The following ANKRD36 variants were observed in gnomAD, a reference collection of about 807,000 sequenced individuals.
The protein encoded by ANKRD36 is ankyrin repeat domain-containing protein 36A.
A neutral mutation model predicts 278.1 loss-of-function variants in ANKRD36; 179 were observed. The ratio of observed to expected loss-of-function variants is 0.64; its 90% confidence interval spans 0.57 to 0.73. The LOEUF (loss-of-function observed/expected upper bound fraction) is 0.73, where lower values mean the gene tolerates loss of function less well. ANKRD36 is among the 30% of genes least tolerant of loss of function. ANKRD36 has a pLI of 0.00. For missense variants in ANKRD36, 1,159 were observed against 1,956.7 expected, an observed-to-expected ratio of 0.59 and a Z score of 7.69; for synonymous variants, 320 against 641.1, an observed-to-expected ratio of 0.50 and a Z score of 7.57.
At chr2:97,138,470 A>G (rs138711478) in intron 6 of ANKRD36, among the ~76,000 whole-genome samples, 176 of 145,674 alleles carry the variant, frequency 1.2e-3, no homozygotes, top group African/African-American at 1.4e-3. Flanking sequence ...CCATGCTCAT[A>G]GTTAGGAAGA....
chr2:97,218,113 AAT>A (rs1418809377), intron 64 of ANKRD36, among the ~76,000 whole-genome samples: 2 of 151,302 alleles, frequency 1.3e-5, no homozygotes, highest in Non-Finnish European at 2.9e-5. Context: ...GTTTAATATG[AAT>A]ATTTAGTTTT....
intron 6 of ANKRD36, among the ~76,000 whole-genome samples, chr2:97,137,952 T>C (rs546634349): frequency 1.3e-5 from 2 of 152,094 alleles, no homozygotes; most frequent in African/African-American, 4.8e-5. Context: ...TTTGATGAGA[T>C]CGTTTGTTTT....
At chr2:97,171,402 G>A (rs917447301) in intron 22 of ANKRD36, among the ~76,000 whole-genome samples, 4 of 147,004 alleles carry the variant, frequency 2.7e-5, no homozygotes, top group African/African-American at 1.0e-4. Flanking sequence ...TCCTTTGAAG[G>A]GACATGGATG....
At chr2:97,207,625 G>A (rs938721452) in intron 52 of ANKRD36, among the ~76,000 whole-genome samples, 186 bp from the exon 53 acceptor site, 9 of 151,476 alleles carry the variant, frequency 5.9e-5, no homozygotes, top group East Asian at 5.8e-4. Context: ...TATATTTCAT[G>A]GAGCCTGTAT....
At chr2:97,212,399 T>C (rs2064907429) in intron 58 of ANKRD36, among the ~76,000 whole-genome samples, 1 of 151,866 alleles carries the variant, frequency 6.6e-6, no homozygotes, top group Admixed American at 6.6e-5. Context: ...TTACTCCTCT[T>C]TAGGAGTAAT....
chr2:97,135,887 A>C (rs1463452886), intron 6 of ANKRD36, among the ~76,000 whole-genome samples: 1 of 151,964 alleles, frequency 6.6e-6, no homozygotes, highest in Non-Finnish European at 1.5e-5. Flanking sequence ...ATCTGCAGTC[A>C]GTAAAACCAC....
intron 75 of ANKRD36, among the ~76,000 whole-genome samples, chr2:97,260,481 GAT>G (rs1423024255): frequency 3.7e-5 from 5 of 135,248 alleles, no homozygotes; most frequent in African/African-American, 8.0e-5. Context: ...GTGTGCTTAA[GAT>G]ATTTGGTAAA....
At chr2:97,260,935 C>T (rs2076684532) in intron 75 of ANKRD36, among the ~76,000 whole-genome samples, 1 of 126,916 alleles carries the variant, frequency 7.9e-6, no homozygotes, top group Non-Finnish European at 1.5e-5. Context: ...TTGTCTTCTG[C>T]AGCCTCCTCA....
chr2:97,191,744 T>G (rs1365613492), intron 36 of ANKRD36, among the ~76,000 whole-genome samples: 1 of 151,696 alleles, frequency 6.6e-6, no homozygotes, highest in Non-Finnish European at 1.5e-5. Context: ...TGGAATATTT[T>G]CATAAAACAT....
At chr2:97,130,041 G>A (rs560693485) in intron 6 of ANKRD36, among the ~76,000 whole-genome samples, 19 of 152,010 alleles carry the variant, frequency 1.2e-4, no homozygotes, top group African/African-American at 4.6e-4. Context: ...GATGGCATTG[G>A]ATCTATAAAT....
At chr2:97,114,022 G>C in intron 1 of ANKRD36, 86 bp downstream of exon 1, 1 of 1,266,378 alleles carries the variant, frequency 7.9e-7, no homozygotes, top group Non-Finnish European at 1.0e-6. Context: ...CTGCGGGGCG[G>C]ATGGTCCGGG....
chr2:97,118,333 A>G lies in ANKRD36; in HGVS notation c.313-11A>G, dbSNP rs186114220. On this transcript the variant is annotated splice_polypyrimidine_tract_variant and intron_variant, in intron 2 of 75. Transcript: ENST00000420699. ...TCAGTATTTGCATGTTTCTCGGTCT[A>G]ATACTGACAGGCTGTACAACTGAGG... 11 of 1,611,182 alleles carry G rather than the reference A, an allele frequency of 6.8e-6. No individual in the cohort carries two copies. The African/African-American group carries it at 1.3e-4, about 20-fold the overall frequency.
At chr2:97,195,601 A>G (rs1486236936) in intron 40 of ANKRD36, among the ~76,000 whole-genome samples, 1 of 152,000 alleles carries the variant, frequency 6.6e-6, no homozygotes, top group Non-Finnish European at 1.5e-5. Flanking sequence ...TCAGAGATAC[A>G]TATTTTGTTG....
At chr2:97,117,500 C>T (rs1353638431) in intron 1 of ANKRD36, among the ~76,000 whole-genome samples, 1 of 151,760 alleles carries the variant, frequency 6.6e-6, no homozygotes, top group Admixed American at 6.6e-5. Context: ...AAACAGTATT[C>T]CAATGTCAGG....
intron 28 of ANKRD36, 34 bp from the exon 29 acceptor site, chr2:97,185,282 A>T: frequency 6.3e-7 from 1 of 1,583,760 alleles, no homozygotes; most frequent in Non-Finnish European, 8.7e-7. Context: ...TCATATTTAC[A>T]TATGAGTGAT....
chr2:97,196,398 A>G (rs534575437), intron 40 of ANKRD36, among the ~76,000 whole-genome samples, 195 bp from the exon 41 acceptor site: 123 of 152,054 alleles, frequency 8.1e-4, no homozygotes, highest in Non-Finnish European at 1.4e-3. Context: ...TTATAAGGGT[A>G]TATTTCATGG....
chr2:97,186,707 A>G (rs185573030), intron 30 of ANKRD36, among the ~76,000 whole-genome samples: 2 of 152,004 alleles, frequency 1.3e-5, no homozygotes, highest in African/African-American at 4.8e-5. Context: ...CAGAGACATA[A>G]TGTGTACATT....
intron 50 of ANKRD36, among the ~76,000 whole-genome samples, chr2:97,205,175 A>C (rs1558764525): frequency 6.6e-6 from 1 of 151,696 alleles, no homozygotes; most frequent in African/African-American, 2.4e-5. Flanking sequence ...TCTGAATGTA[A>C]AACTTATTAT....
intron 54 of ANKRD36, among the ~76,000 whole-genome samples, chr2:97,208,867 A>C (rs1465316970): frequency 6.8e-6 from 1 of 146,776 alleles, no homozygotes; most frequent in African/African-American, 2.6e-5. Flanking sequence ...ATTCTAATTA[A>C]CTCCTAAAAT....
Sources: gnomAD v4.1 joint callset for allele counts (sites outside exome capture counted in the v4.1 genomes callset) on GRCh38, gnomAD v4.1.1 for gene constraint, MANE v1.5 for transcripts, NCBI Gene and HGNC (gene_info 2026-07-23, HGNC 2026-07-21) for gene names.